The following PRKCE variants were observed in gnomAD, a reference collection of about 807,000 sequenced individuals.
PRKCE encodes the protein protein kinase C epsilon.
A neutral mutation model predicts 85.4 loss-of-function variants in PRKCE; 16 were observed. The ratio of observed to expected loss-of-function variants is 0.19; its 90% CI spans 0.13 to 0.28. The LOEUF (loss-of-function observed/expected upper bound fraction) is 0.28. Ranked by LOEUF, PRKCE falls within the 10% of genes least tolerant of loss-of-function variation. The pLI is 1.00. For synonymous variants in PRKCE, 388 were observed against 371.5 expected, an observed-to-expected ratio of 1.04 and a Z score of -0.51; for missense variants, 573 against 975.2, an observed-to-expected ratio of 0.59 and a Z score of 5.49.
At chr2:46,060,000 A>G (rs943335674) in intron 10 of PRKCE, among the ~76,000 whole-genome samples, 3 of 152,206 alleles carry the variant, frequency 2.0e-5, no homozygotes, top group Non-Finnish European at 4.4e-5. Context: ...CTTTGTGCTC[A>G]AGGTCATGTG....
intron 10 of PRKCE, among the ~76,000 whole-genome samples, chr2:46,020,749 C>T (rs1005080975): frequency 1.3e-5 from 2 of 152,164 alleles, no homozygotes; most frequent in African/African-American, 2.4e-5. Flanking sequence ...TTTTGAGGCA[C>T]AGTTGGGAGA....
rs13390160 is a variant in PRKCE at position 45,979,867 on chromosome 2, C to T, written c.608-429C>T. ...ACAACCAGATAAAAAAGCCTCAGAA[C>T]CTCTGCACCGCCTGCTGCAGTTCCC... On this transcript the variant is annotated intron_variant, in intron 4 of 14. Coordinates refer to ENST00000306156, the MANE Select transcript of PRKCE (RefSeq NM_005400.3). 8.9e-3 allele frequency among the ~76,000 whole-genome samples: 1,356 copies of T among 152,250 alleles called. 27 individuals are homozygous for T. The highest frequency in any genetic ancestry group is 0.067 in the South Asian group (324 of 4,806).
At chr2:46,040,266 C>T (rs1022807107) in intron 10 of PRKCE, among the ~76,000 whole-genome samples, 4 of 151,942 alleles carry the variant, frequency 2.6e-5, no homozygotes, top group African/African-American at 9.7e-5. Context: ...GAGCTAGGGG[C>T]ATTCCAGGGA....
Position 45,774,327 on chromosome 2 carries a change from G to A in PRKCE, c.349-68673G>A, listed in dbSNP as rs1364387587. Among the ~76,000 whole-genome samples the A allele has an allele frequency of 6.6e-6, 1 of 152,174 alleles. No individual in the cohort carries two copies. Among genetic ancestry groups the A allele is most frequent in the Non-Finnish European group, 1.5e-5 (1 of 68,016 alleles). On this transcript the variant is annotated intron_variant, in intron 1 of 14. Coordinates refer to ENST00000306156, the MANE Select transcript of PRKCE (RefSeq NM_005400.3). This position sits in a 1 kb window ranked among gnomAD's most constrained non-coding sequence, Gnocchi z 4.3. ...GGGCAGCCTCATCTCATCTTCTGTA[G>A]CTCCCAGCCTTCCACTGTGGAAGTG...
chr2:46,013,216 A>G (rs1407306791), intron 10 of PRKCE, among the ~76,000 whole-genome samples: 2 of 152,242 alleles, frequency 1.3e-5, no homozygotes, highest in African/African-American at 4.8e-5. Flanking sequence ...GACTTTCCCT[A>G]TGACAAACCA....
intron 1 of PRKCE, among the ~76,000 whole-genome samples, chr2:45,711,322 A>G (rs1679616607): frequency 6.6e-6 from 1 of 152,220 alleles, no homozygotes; most frequent in Non-Finnish European, 1.5e-5. Context: ...ACAAGAGATC[A>G]TGGACATCAT....
chr2:46,097,894 C>G (rs1670861455), intron 11 of PRKCE, among the ~76,000 whole-genome samples: 1 of 152,078 alleles, frequency 6.6e-6, no homozygotes, highest in South Asian at 2.1e-4. Flanking sequence ...TGTGACCTAA[C>G]AAAGGGGAAG....
rs565638182 is a variant in PRKCE, at chr2:45,905,011, C to G, written c.412+61948C>G. Among the ~76,000 whole-genome samples, 4 of 152,222 alleles carry G rather than the reference C, an allele frequency of 2.6e-5. No homozygotes were observed. The highest frequency in any genetic ancestry group is 1.3e-4 in the Admixed American group (2 of 15,276). On this transcript the variant is annotated intron_variant, in intron 2 of 14. Transcript: ENST00000306156. The surrounding 1 kb of genome is among the most constrained non-coding windows in gnomAD (Gnocchi z 4.4). The stretch of plus-strand genomic sequence containing the variant: ...ACCATTGTACAGACAGCGACAGGGG[C>G]TCCACATCACTTCAGCAGGCACGGT...
rs538275672 is a variant in PRKCE, at chr2:45,893,177, G to A, written c.412+50114G>A. ...ATGCAGCGCTCAGTTGAGTAGTTTG[G>A]TGGAAAGAAGTGGCCTGTTCCTTCA... On this transcript the variant is annotated intron_variant, in intron 2 of 14. Coordinates refer to ENST00000306156, the MANE Select transcript of PRKCE (RefSeq NM_005400.3). Among the ~76,000 whole-genome samples, 3 of 152,240 alleles carry A rather than the reference G, an allele frequency of 2.0e-5. No homozygotes were observed. The South Asian group carries it at 6.2e-4, about 32-fold the overall frequency.
intron 10 of PRKCE, among the ~76,000 whole-genome samples, chr2:46,022,699 G>C (rs1706767019): frequency 6.6e-6 from 1 of 152,210 alleles, no homozygotes; most frequent in Non-Finnish European, 1.5e-5. Flanking sequence ...TTTACCAGGA[G>C]GTTTTATAGC....
chr2:46,016,132 TC>T (rs1464267148), intron 10 of PRKCE, among the ~76,000 whole-genome samples: 6 of 152,240 alleles, frequency 3.9e-5, no homozygotes, highest in African/African-American at 1.4e-4. Flanking sequence ...CTGAAGACCA[TC>T]TTTGCTTGAT....
At chr2:45,950,393 C>T (rs918941489) in intron 2 of PRKCE, among the ~76,000 whole-genome samples, 1 of 152,186 alleles carries the variant, frequency 6.6e-6, no homozygotes, top group African/African-American at 2.4e-5. Context: ...GCATTTTATT[C>T]CCACTTCTTC....
intron 1 of PRKCE, among the ~76,000 whole-genome samples, chr2:45,799,849 T>C (rs1687721751): frequency 6.6e-6 from 1 of 152,032 alleles, no homozygotes; most frequent in Middle Eastern, 3.4e-3. Flanking sequence ...AGGGTCAGGG[T>C]TTTCCAGCAG....
At chr2:45,880,611 C>T (rs1694808501) in intron 2 of PRKCE, among the ~76,000 whole-genome samples, 1 of 152,070 alleles carries the variant, frequency 6.6e-6, no homozygotes, top group African/African-American at 2.4e-5. Flanking sequence ...ACTCCCTGGA[C>T]AGCAGTGTAA....
At chr2:46,181,590 A>G (rs1679981907) in intron 14 of PRKCE, among the ~76,000 whole-genome samples, 1 of 152,236 alleles carries the variant, frequency 6.6e-6, no homozygotes, top group Non-Finnish European at 1.5e-5. Context: ...GATTCACAAC[A>G]GCAAGTCGTG....
intron 1 of PRKCE, among the ~76,000 whole-genome samples, chr2:45,733,358 C>G (rs557069477): frequency 1.1e-4 from 17 of 152,174 alleles, no homozygotes; most frequent in East Asian, 1.9e-4. Flanking sequence ...ATTCGAGGAG[C>G]TTGGGATATG....
rs370710295 is a variant in PRKCE, at chr2:45,761,326, C to CAAA, written c.349-81652_349-81650dup. ...TGGGCGACAGAGCGAGACTCCATCTCAAAAAAAAAAAAAAAAAAAAAAAAT... is the reference window on the plus strand; with the variant it reads ...TGGGCGACAGAGCGAGACTCCATCTCAAAAAAAAAAAAAAAAAAAAAAAAAAAT... On this transcript the variant is annotated intron_variant, in intron 1 of 14. Coordinates refer to ENST00000306156, the MANE Select transcript of PRKCE (RefSeq NM_005400.3). 5.7e-3 allele frequency among the ~76,000 whole-genome samples: 467 copies of CAAA among 81,870 alleles called. 13 individuals carry two copies. The highest frequency in any genetic ancestry group is 0.015 in the East Asian group (36 of 2,354). 53.7% of individuals were successfully genotyped at this position (81,870 alleles called of 152,430 possible).
rs562214289 is a variant in PRKCE at position 46,056,075 on chromosome 2, T to C, written c.1438-30133T>C. On this transcript the variant is annotated intron_variant, in intron 10 of 14. Coordinates refer to ENST00000306156, the MANE Select transcript of PRKCE (RefSeq NM_005400.3). ...CTACCACCAACAGGCTCTATAACCTTAGGCCATAATTTTCTCATCTGTAAA... is the reference window on the plus strand; with the variant it reads ...CTACCACCAACAGGCTCTATAACCTCAGGCCATAATTTTCTCATCTGTAAA... 7.2e-3 allele frequency among the ~76,000 whole-genome samples: 1,094 copies of C among 152,290 alleles called. 8 individuals are homozygous for C. The highest frequency in any genetic ancestry group is 0.011 in the Non-Finnish European group (774 of 68,022).
chr2:45,764,928 G>A (rs1304178863), intron 1 of PRKCE, among the ~76,000 whole-genome samples: 1 of 152,148 alleles, frequency 6.6e-6, no homozygotes, highest in Non-Finnish European at 1.5e-5. Flanking sequence ...TAGAGACAAT[G>A]GAGTCTCTGG....
Sources: allele counts gnomAD v4.1 joint callset (sites outside exome capture counted in the v4.1 genomes callset), GRCh38; gene constraint gnomAD v4.1.1; non-coding constraint Gnocchi (gnomAD v3.1); transcripts MANE v1.5; gene names NCBI Gene and HGNC (gene_info 2026-07-23, HGNC 2026-07-21).